Variants in ZBTB7C observed in about 807,000 individuals in gnomAD.
The protein encoded by ZBTB7C is zinc finger and BTB domain-containing protein 7C.
ZBTB7C carries 8 observed loss-of-function variants against 25.7 expected under a neutral mutation model. That is an observed-to-expected ratio of 0.31 (90% confidence interval 0.18 to 0.56). The LOEUF is 0.56. Ranked by LOEUF, ZBTB7C falls within the 20% of genes least tolerant of loss-of-function variation. ZBTB7C has a pLI of 0.91. For synonymous variants in ZBTB7C, 394 were observed against 369.0 expected (o/e 1.07, Z -0.78); for missense variants, 824 against 855.2 (o/e 0.96, Z 0.46).
At chr18:48,226,975 A>G (rs574288456) in intron 2 of ZBTB7C, among the ~76,000 whole-genome samples, 1,876 of 148,718 alleles carry the variant, frequency 0.013, 44 homozygotes, top group African/African-American at 0.044. Context: ...AGCCAAGATC[A>G]CACCACTGCA....
intron 3 of ZBTB7C, among the ~76,000 whole-genome samples, chr18:48,091,381 C>T (rs1422362920): frequency 2.0e-5 from 3 of 151,560 alleles, no homozygotes; most frequent in African/African-American, 7.3e-5. Flanking sequence ...CCATGCTTGG[C>T]CCTAAATATT....
chr18:48,155,970 C>G (rs2040831170), intron 3 of ZBTB7C, among the ~76,000 whole-genome samples: 1 of 152,146 alleles, frequency 6.6e-6, no homozygotes, highest in Non-Finnish European at 1.5e-5. Context: ...CTCACTTGAC[C>G]CTTATGGAAG....
Position 48,287,668 on chromosome 18 carries a change from A to G in ZBTB7C, c.-79+50506T>C, listed in dbSNP as rs142142572. On this transcript the variant is annotated intron_variant, in intron 2 of 4. Coordinates refer to ENST00000590800, the MANE Select transcript of ZBTB7C (RefSeq NM_001318841.2). ...AAGATGCAAAAATGGCTGATAAATA[A>G]TTGATAAACCAAATACAAAAATATA... Among the ~76,000 whole-genome samples, 950 of 152,358 alleles carry G rather than the reference A, an allele frequency of 6.2e-3. 9 individuals carry two copies. Among genetic ancestry groups the G allele is most frequent in the African/African-American group, 0.022 (904 of 41,588 alleles).
chr18:48,305,542 AG>A (rs2045652969), intron 2 of ZBTB7C, among the ~76,000 whole-genome samples: 1 of 152,178 alleles, frequency 6.6e-6, no homozygotes, highest in Admixed American at 6.5e-5. Context: ...CAGACATACT[AG>A]GAGGTGATAC....
At chr18:48,408,850 C>A (rs1159862278) in intron 1 of ZBTB7C, among the ~76,000 whole-genome samples, 1 of 151,262 alleles carries the variant, frequency 6.6e-6, no homozygotes. Flanking sequence ...CACTTCGCTC[C>A]GGGCCGCGGT....
intron 1 of ZBTB7C, among the ~76,000 whole-genome samples, chr18:48,399,171 C>T (rs572257267): frequency 5.3e-5 from 8 of 152,274 alleles, no homozygotes; most frequent in African/African-American, 1.7e-4. Flanking sequence ...AAATACCATG[C>T]GCATGGATGC....
At chr18:48,294,051 T>C (rs1481450321) in intron 2 of ZBTB7C, among the ~76,000 whole-genome samples, 1 of 152,228 alleles carries the variant, frequency 6.6e-6, no homozygotes, top group Non-Finnish European at 1.5e-5. Context: ...GTGGGAGTCA[T>C]TAGCACGAAT....
At chr18:48,408,964 C>T (rs1413281785) in intron 1 of ZBTB7C, among the ~76,000 whole-genome samples, 1 of 145,674 alleles carries the variant, frequency 6.9e-6, no homozygotes, top group East Asian at 2.3e-4. Context: ...TGCATGGCTG[C>T]CGCACGGAGC....
chr18:48,360,960 GT>G (rs2047091261), intron 1 of ZBTB7C, among the ~76,000 whole-genome samples: 1 of 152,090 alleles, frequency 6.6e-6, no homozygotes, highest in African/African-American at 2.4e-5. Flanking sequence ...GGTGTGTTTT[GT>G]TTTTCCTGGG....
chr18:48,077,634 T>A (rs2037822392), intron 3 of ZBTB7C, among the ~76,000 whole-genome samples: 1 of 152,166 alleles, frequency 6.6e-6, no homozygotes, highest in African/African-American at 2.4e-5. Context: ...GGGTAGCTGC[T>A]TCCAGTCACA....
intron 4 of ZBTB7C, among the ~76,000 whole-genome samples, chr18:48,038,260 G>A (rs910636880): frequency 6.6e-6 from 1 of 152,182 alleles, no homozygotes; most frequent in Non-Finnish European, 1.5e-5. Flanking sequence ...TCCTGGGTCT[G>A]TGAGGCCCTT....
chr18:48,215,668 C>A (rs564637902), intron 2 of ZBTB7C, among the ~76,000 whole-genome samples: 2 of 152,222 alleles, frequency 1.3e-5, no homozygotes, highest in South Asian at 4.2e-4. Flanking sequence ...AAATGGCCAC[C>A]CTTAGAGGCA....
At chr18:48,396,608 G>A (rs1353088174) in intron 1 of ZBTB7C, among the ~76,000 whole-genome samples, 2 of 152,160 alleles carry the variant, frequency 1.3e-5, no homozygotes, top group African/African-American at 4.8e-5. Flanking sequence ...TAAATCCACC[G>A]AAGGAAGCAT....
At chr18:48,264,272 C>A (rs1171299492) in intron 2 of ZBTB7C, among the ~76,000 whole-genome samples, 1 of 152,232 alleles carries the variant, frequency 6.6e-6, no homozygotes, top group Non-Finnish European at 1.5e-5. Context: ...GCGAATAAGA[C>A]TGAGCTGCTC....
rs577525832 is a variant in ZBTB7C at position 48,324,730 on chromosome 18, C to T, written c.-79+13444G>A. On this transcript the variant is annotated intron_variant, in intron 2 of 4. Coordinates refer to ENST00000590800, the MANE Select transcript of ZBTB7C (RefSeq NM_001318841.2). ...AGGGTTTAAATAAGAGAATGACATG[C>T]TCAGATAAGCATGCTTAGCAGAGCA... Among the ~76,000 whole-genome samples, 22 of 152,312 alleles carry T rather than the reference C, an allele frequency of 1.4e-4. No homozygotes were observed. The South Asian group carries it at 2.7e-3, about 19-fold the overall frequency.
intron 2 of ZBTB7C, among the ~76,000 whole-genome samples, chr18:48,319,850 C>T (rs1039905123): frequency 1.3e-5 from 2 of 151,848 alleles, no homozygotes; most frequent in South Asian, 2.1e-4. Context: ...CTGTCACATG[C>T]CAAATATTGT....
chr18:48,238,195 T>C (rs1258896887), intron 2 of ZBTB7C, among the ~76,000 whole-genome samples: 1 of 152,188 alleles, frequency 6.6e-6, no homozygotes, highest in African/African-American at 2.4e-5. Flanking sequence ...TTAAGTTACT[T>C]GGGTGTTTGC....
chr18:48,066,685 C>A (rs2037341751), intron 3 of ZBTB7C, among the ~76,000 whole-genome samples: 1 of 152,176 alleles, frequency 6.6e-6, no homozygotes, highest in Non-Finnish European at 1.5e-5. Flanking sequence ...AGTCTACAGG[C>A]CCTGAGAAAT....
At chr18:48,331,488 T>G (rs1211347490) in intron 2 of ZBTB7C, among the ~76,000 whole-genome samples, 1 of 152,226 alleles carries the variant, frequency 6.6e-6, no homozygotes, top group African/African-American at 2.4e-5. Context: ...ATTCTGATTT[T>G]CCTTGGAGGG....
Sources: allele counts gnomAD v4.1 joint callset (sites outside exome capture counted in the v4.1 genomes callset), GRCh38; gene constraint gnomAD v4.1.1; transcripts MANE v1.5; gene names NCBI Gene and HGNC (gene_info 2026-07-23, HGNC 2026-07-21).